RNF19A: variants seen among roughly 807,000 people sequenced by gnomAD.
RNF19A encodes ring finger protein 19A, RBR E3 ubiquitin protein ligase.
RNF19A carries 32 observed loss-of-function variants against 75.7 expected under a neutral mutation model. That is an observed-to-expected ratio of 0.42 (90% CI 0.32 to 0.57). The LOEUF is 0.57. Ranked by LOEUF, RNF19A falls within the 20% of genes least tolerant of loss-of-function variation. The pLI is 0.10. For synonymous variants in RNF19A, 335 were observed against 345.2 expected, an observed-to-expected ratio of 0.97 and a Z score of 0.33; for missense variants, 782 against 1,036.3, an observed-to-expected ratio of 0.75 and a Z score of 3.37.
At chr8:100,308,333 T>G (rs772027591) in intron 1 of RNF19A, among the ~76,000 whole-genome samples, 21 of 152,302 alleles carry the variant, frequency 1.4e-4, no homozygotes, top group Middle Eastern at 3.4e-3. Context: ...TTAAAAGTGT[T>G]TTTTTAGCAT....
At chr8:100,292,104 A>T (rs932001541) in intron 1 of RNF19A, among the ~76,000 whole-genome samples, 1 of 152,240 alleles carries the variant, frequency 6.6e-6, no homozygotes, top group Admixed American at 6.5e-5. Context: ...GTCAATAAAG[A>T]AGACAAATAA....
intron 2 of RNF19A, among the ~76,000 whole-genome samples, chr8:100,285,697 A>G (rs937785312): frequency 2.6e-5 from 4 of 151,994 alleles, no homozygotes; most frequent in African/African-American, 9.7e-5. Flanking sequence ...TAGTGGCGCA[A>G]TCACGGCTCA....
chr8:100,326,153 C>T (rs942578534), intron 1 of RNF19A, among the ~76,000 whole-genome samples: 1 of 152,124 alleles, frequency 6.6e-6, no homozygotes, highest in Non-Finnish European at 1.5e-5. Flanking sequence ...TTTCATCACC[C>T]TCACATGCAT....
Position 100,261,797 on chromosome 8 carries a change from T to G in RNF19A, c.1469-42A>C, listed in dbSNP as rs546551438. The G allele has an allele frequency of 6.3e-7, 1 of 1,574,824 alleles. No individual in the cohort carries two copies. The highest frequency in any genetic ancestry group is 2.2e-5 in the East Asian group (1 of 44,692). ...CAAAGAAACTAAGTAAGTATGATTA[T>G]CAATTTTCTCCTTCTTAAATTCCTC... is the stretch of plus-strand genomic sequence containing the variant. On this transcript the variant is annotated intron_variant, in intron 7 of 9. Coordinates refer to ENST00000341084, the MANE Select transcript of RNF19A (RefSeq NM_183419.4). This position sits in a 1 kb window ranked among gnomAD's most constrained non-coding sequence, Gnocchi z 4.4.
At chr8:100,306,076 CTT>C (rs1354443137) in intron 1 of RNF19A, among the ~76,000 whole-genome samples, 1 of 152,190 alleles carries the variant, frequency 6.6e-6, no homozygotes. Context: ...ACCAAAGTCT[CTT>C]CAATTGGCAA....
In RNF19A at chr8:100,278,004, T is replaced by C. The variant is rs138730799; in HGVS notation, c.675-2843A>G. Among the ~76,000 whole-genome samples, 230 of 152,336 alleles carry C rather than the reference T, an allele frequency of 1.5e-3. 2 individuals carry two copies. Among genetic ancestry groups the C allele is most frequent in the African/African-American group, 5.4e-3 (225 of 41,568 alleles). On this transcript the variant is annotated intron_variant, in intron 2 of 9. Transcript: ENST00000341084. ...ACTGTTTTCTGAAGTTGGTTACAAT[T>C]TACAAAGGCAGCAAAGAAGTTTTAG...
At position 100,260,227 on chromosome 8, in the gene RNF19A, A is replaced by G. The variant is rs1025432382; in HGVS notation, c.1683-230T>C. Among the ~76,000 whole-genome samples the G allele has an allele frequency of 2.0e-5, 3 of 152,230 alleles. No individual in the cohort carries two copies. Among genetic ancestry groups the G allele is most frequent in the African/African-American group, 7.2e-5 (3 of 41,454 alleles). ...GTCTGCCAAGTAAAGTGGTAATGAAATAACACAAAAAAGACACAAAGGATT... is the reference window on the plus strand; with the variant it reads ...GTCTGCCAAGTAAAGTGGTAATGAAGTAACACAAAAAAGACACAAAGGATT... On this transcript the variant is annotated intron_variant, in intron 8 of 9. Coordinates refer to ENST00000341084, the MANE Select transcript of RNF19A (RefSeq NM_183419.4). This position sits in a 1 kb window ranked among gnomAD's most constrained non-coding sequence, Gnocchi z 4.1.
rs1439712412 is a variant in RNF19A, at chr8:100,330,770, TTCTCTCCTTC to T, written c.-243+5328_-243+5337del. The stretch of plus-strand genomic sequence containing the variant: ...TATGTTTGTCCTTTCAGTTTCTAAC[TTCTCTCCTTC>T]TCTCTCCTTCCCATGGCTTCTAAGG... On this transcript the variant is annotated intron_variant, in intron 1 of 3. Coordinates refer to the RNF19A transcript ENST00000519527. The surrounding 1 kb of genome is among the most constrained non-coding windows in gnomAD (Gnocchi z 4.1). Among the ~76,000 whole-genome samples, 14 of 152,306 alleles carry T rather than the reference TTCTCTCCTTC, an allele frequency of 9.2e-5. No individual in the cohort carries two copies. Among genetic ancestry groups the T allele is most frequent in the African/African-American group, 3.4e-4 (14 of 41,568 alleles).
Position 100,318,823 on chromosome 8 carries a change from C to T in RNF19A, c.-242-5451G>A, listed in dbSNP as rs1344519410. On this transcript the variant is annotated intron_variant, in intron 1 of 3. Transcript: ENST00000519527. ...ATGGTTTCACCCTCAGAGTGAAATC[C>T]TGTGCTGTTGGAAACGAAGAAAGGG... Among the ~76,000 whole-genome samples the T allele has an allele frequency of 3.3e-5, 5 of 152,322 alleles. No individual in the cohort carries two copies. In the East Asian group the frequency reaches 9.6e-4, roughly 29 times the overall value.
chr8:100,298,198 TA>T (rs35748790), intron 1 of RNF19A, among the ~76,000 whole-genome samples: 2,324 of 144,248 alleles, frequency 0.016, 31 homozygotes, highest in South Asian at 0.049. Flanking sequence ...TGTATTGGGT[TA>T]AAAAAAAAAA....
intron 1 of RNF19A, among the ~76,000 whole-genome samples, chr8:100,290,651 T>C (rs969603578): frequency 6.6e-6 from 1 of 152,200 alleles, no homozygotes; most frequent in African/African-American, 2.4e-5. Flanking sequence ...GAGAGCTCAA[T>C]CTATACAAAT....
At chr8:100,309,314 C>A in intron 1 of RNF19A, 1 of 985,664 alleles carries the variant, frequency 1.0e-6, no homozygotes, top group Non-Finnish European at 1.2e-6. Flanking sequence ...CCGAACACAG[C>A]TCCCCTCCCT....
At chr8:100,328,820 G>A (rs1231642092) in intron 1 of RNF19A, among the ~76,000 whole-genome samples, 1 of 152,210 alleles carries the variant, frequency 6.6e-6, no homozygotes, top group Admixed American at 6.5e-5. Context: ...AGATCAGGGA[G>A]ATCTTTCCAA....
chr8:100,304,751 T>C (rs1821996605), intron 1 of RNF19A, among the ~76,000 whole-genome samples: 1 of 152,160 alleles, frequency 6.6e-6, no homozygotes, highest in Non-Finnish European at 1.5e-5. Flanking sequence ...ATGTGGGAGG[T>C]AACAGTACAT....
At chr8:100,326,981 G>A (rs1009053355) in intron 1 of RNF19A, among the ~76,000 whole-genome samples, 3 of 152,146 alleles carry the variant, frequency 2.0e-5, no homozygotes, top group East Asian at 1.9e-4. Flanking sequence ...CCTTGGATCT[G>A]GTCTAAACGT....
At chr8:100,278,767 T>G (rs1159175981) in intron 2 of RNF19A, among the ~76,000 whole-genome samples, 1 of 152,002 alleles carries the variant, frequency 6.6e-6, no homozygotes, top group African/African-American at 2.4e-5. Context: ...AATTAATGAT[T>G]TAAGTAAAAA....
At chr8:100,290,798 A>T (rs956278377) in intron 1 of RNF19A, among the ~76,000 whole-genome samples, 1 of 152,216 alleles carries the variant, frequency 6.6e-6, no homozygotes, top group Non-Finnish European at 1.5e-5. Flanking sequence ...TACTGTATAG[A>T]TTATTGCTCC....
At chr8:100,328,502 C>T (rs1268687639) in intron 1 of RNF19A, among the ~76,000 whole-genome samples, 3 of 151,512 alleles carry the variant, frequency 2.0e-5, no homozygotes, top group Admixed American at 1.3e-4. Flanking sequence ...GACAGAGTCT[C>T]GCTCTGTCAC....
At chr8:100,307,241 T>C (rs2130229936) in intron 1 of RNF19A, among the ~76,000 whole-genome samples, 1 of 152,302 alleles carries the variant, frequency 6.6e-6, no homozygotes, top group African/African-American at 2.4e-5. Context: ...AGATTTCCTA[T>C]ATAACCCGAG....
Sources: allele counts gnomAD v4.1 joint callset (sites outside exome capture counted in the v4.1 genomes callset), GRCh38; gene constraint gnomAD v4.1.1; non-coding constraint Gnocchi (gnomAD v3.1); transcripts MANE v1.5; gene names NCBI Gene and HGNC (gene_info 2026-07-23, HGNC 2026-07-21).